The following BTBD9 variants were observed in gnomAD, a reference collection of about 807,000 sequenced individuals.
The protein encoded by BTBD9 is BTB domain containing 9.
A neutral mutation model predicts 64.3 loss-of-function variants in BTBD9; 49 were observed. The observed-to-expected ratio is 0.76, with a 90% CI of 0.61 to 0.97. BTBD9 has a LOEUF of 0.97. BTBD9 is among the 50% of genes least tolerant of loss of function. BTBD9 has a pLI of 0.00. For missense variants in BTBD9, 598 were observed against 762.1 expected (o/e 0.78, Z 2.53); for synonymous variants, 260 against 274.7 (o/e 0.95, Z 0.53).
rs567623524 is a variant in BTBD9 at position 38,423,306 on chromosome 6, A to T, written c.1155-78213T>A. Among the ~76,000 whole-genome samples, 83 of 151,898 alleles carry T rather than the reference A, an allele frequency of 5.5e-4. 1 individual carries two copies. The South Asian group carries it at 6.2e-3, about 11-fold the overall frequency. On this transcript the variant is annotated intron_variant, in intron 6 of 10. Coordinates refer to ENST00000481247, the MANE Select transcript of BTBD9 (RefSeq NM_001099272.2). ...AAATTAAAACCTTATTATTATTATT[A>T]TTTTTTTAAATAGTGTGAGATAGGG...
At position 38,631,899 on chromosome 6, in the gene BTBD9, C is replaced by T. The variant is rs142218475; in HGVS notation, c.-28+7901G>A. Among the ~76,000 whole-genome samples, 562 of 152,296 alleles carry T rather than the reference C, an allele frequency of 3.7e-3. 3 individuals are homozygous for T. Among genetic ancestry groups the T allele is most frequent in the African/African-American group, 0.013 (530 of 41,566 alleles). The stretch of plus-strand genomic sequence containing the variant: ...ATCCCAGCACTTTGGGAGGCTAAGG[C>T]GGGCAGATCATCTGAGGTCTGGAGT... On this transcript the variant is annotated intron_variant, in intron 1 of 10. Coordinates refer to ENST00000481247, the MANE Select transcript of BTBD9 (RefSeq NM_001099272.2).
At chr6:38,273,622 G>C (rs1765267907) in intron 8 of BTBD9, among the ~76,000 whole-genome samples, 1 of 152,146 alleles carries the variant, frequency 6.6e-6, no homozygotes, top group Non-Finnish European at 1.5e-5. Flanking sequence ...ACAGATAAAA[G>C]GGGATGACCA....
intron 8 of BTBD9, among the ~76,000 whole-genome samples, chr6:38,259,634 G>T (rs1021417920): frequency 1.3e-5 from 2 of 152,116 alleles, no homozygotes; most frequent in Non-Finnish European, 2.9e-5. Flanking sequence ...GGCCAGGCGG[G>T]GTCAAACTCC....
rs114123206 is a variant in BTBD9, at chr6:38,218,911, G to A, written c.1563-26314C>T. 2.3e-3 allele frequency among the ~76,000 whole-genome samples: 351 copies of A among 152,212 alleles called. 3 individuals are homozygous for A. The highest frequency in any genetic ancestry group is 8.0e-3 in the African/African-American group (332 of 41,530). ...TGGGAAGAACAATCCATTTATGAGGGTGACTTTTAGAAAGACCATCTCCAG... is the reference window on the plus strand; with the variant it reads ...TGGGAAGAACAATCCATTTATGAGGATGACTTTTAGAAAGACCATCTCCAG... On this transcript the variant is annotated intron_variant, in intron 9 of 10. Transcript: ENST00000481247.
At chr6:38,374,288 T>TATATATATATATATATATATAC (rs1280692259) in intron 6 of BTBD9, among the ~76,000 whole-genome samples, 1 of 69,310 alleles carries the variant, frequency 1.4e-5, no homozygotes, top group Non-Finnish European at 2.3e-5. Context: ...AAAAAGTATA[T>TATATATATATATATATATATAC]ATATATATGT....
chr6:38,487,897 A>C (rs1007721931), intron 6 of BTBD9, among the ~76,000 whole-genome samples: 2 of 152,236 alleles, frequency 1.3e-5, no homozygotes, highest in Non-Finnish European at 2.9e-5. Context: ...ACAAGGCCTG[A>C]AATTTTTATT....
intron 6 of BTBD9, among the ~76,000 whole-genome samples, chr6:38,488,894 C>CTTT (rs66933448): frequency 7.5e-6 from 1 of 132,802 alleles, no homozygotes; most frequent in African/African-American, 2.9e-5. Context: ...TTCCTTGCAA[C>CTTT]TTTTTTTTTT....
chr6:38,609,517 T>C (rs1378729536), intron 1 of BTBD9, among the ~76,000 whole-genome samples: 2 of 152,182 alleles, frequency 1.3e-5, no homozygotes, highest in Admixed American at 6.5e-5. Flanking sequence ...TTTCACCTTC[T>C]TCTATGTGTA....
At chr6:38,264,455 C>G (rs1164639000) in intron 8 of BTBD9, among the ~76,000 whole-genome samples, 1 of 152,152 alleles carries the variant, frequency 6.6e-6, no homozygotes, top group African/African-American at 2.4e-5. Context: ...TCAGCACTTT[C>G]ACCTAATTCG....
At chr6:38,502,166 T>G (rs1017812573) in intron 6 of BTBD9, among the ~76,000 whole-genome samples, 19 of 152,210 alleles carry the variant, frequency 1.2e-4, no homozygotes, top group African/African-American at 1.9e-4. Flanking sequence ...TTGGCTTGGG[T>G]GGCTGGGCCA....
chr6:38,609,397 T>G (rs1777537439), intron 1 of BTBD9, among the ~76,000 whole-genome samples: 1 of 152,026 alleles, frequency 6.6e-6, no homozygotes, highest in Non-Finnish European at 1.5e-5. Flanking sequence ...GTCCAAGAAG[T>G]CCATGTCTCT....
At chr6:38,636,094 T>C (rs532987082) in intron 1 of BTBD9, among the ~76,000 whole-genome samples, 1 of 152,190 alleles carries the variant, frequency 6.6e-6, no homozygotes, top group Non-Finnish European at 1.5e-5. Context: ...ACTGTGCACA[T>C]AGTACCTTTG....
At chr6:38,318,435 GGTGTTT>G (rs1275507950) in intron 7 of BTBD9, among the ~76,000 whole-genome samples, 1 of 152,074 alleles carries the variant, frequency 6.6e-6, no homozygotes, top group African/African-American at 2.4e-5. Flanking sequence ...AAGGGACTTG[GGTGTTT>G]GATCTAAGTT....
At chr6:38,444,723 G>A (rs527362711) in intron 6 of BTBD9, among the ~76,000 whole-genome samples, 30 of 152,120 alleles carry the variant, frequency 2.0e-4, no homozygotes, top group Non-Finnish European at 3.8e-4. Flanking sequence ...TTATGTTGGT[G>A]TTGGCTACTA....
intron 7 of BTBD9, among the ~76,000 whole-genome samples, chr6:38,324,799 G>T (rs914172726): frequency 2.0e-5 from 3 of 152,126 alleles, no homozygotes; most frequent in Admixed American, 6.5e-5. Context: ...CTCACTTTTG[G>T]ATAAAGGTCC....
chr6:38,611,802 C>T (rs1036511385), intron 1 of BTBD9, among the ~76,000 whole-genome samples: 1 of 152,178 alleles, frequency 6.6e-6, no homozygotes, highest in Non-Finnish European at 1.5e-5. Context: ...TTAGTTTCCT[C>T]ATTTCTACTT....
chr6:38,474,294 G>C (rs1403025507), intron 6 of BTBD9, among the ~76,000 whole-genome samples: 1 of 152,112 alleles, frequency 6.6e-6, no homozygotes, highest in African/African-American at 2.4e-5. Flanking sequence ...GAGTTGACGT[G>C]GGCGGATCAA....
chr6:38,638,226 G>A lies in BTBD9; in HGVS notation c.-28+1574C>T, dbSNP rs148104417. Among the ~76,000 whole-genome samples the A allele has an allele frequency of 2.0e-4, 31 of 152,040 alleles. No homozygotes were observed. The East Asian group carries it at 5.4e-3, about 27-fold the overall frequency. The stretch of plus-strand genomic sequence containing the variant: ...CATTTATAGTCCTCAAACAGCACTG[G>A]TTACCTGCTACTTAACTTGGTTTTA... On this transcript the variant is annotated intron_variant, in intron 1 of 10. Coordinates refer to ENST00000481247, the MANE Select transcript of BTBD9 (RefSeq NM_001099272.2).
intron 7 of BTBD9, among the ~76,000 whole-genome samples, chr6:38,334,734 T>C (rs1381433279): frequency 2.0e-5 from 3 of 152,246 alleles, no homozygotes; most frequent in South Asian, 2.1e-4. Flanking sequence ...CATACTACTA[T>C]ATGTATCCAT....
Sources: allele counts gnomAD v4.1 joint callset (sites outside exome capture counted in the v4.1 genomes callset), GRCh38; gene constraint gnomAD v4.1.1; transcripts MANE v1.5; gene names NCBI Gene and HGNC (gene_info 2026-07-23, HGNC 2026-07-21).